Variants in LCT observed in about 807,000 individuals in gnomAD.
LCT encodes the protein lactase/phlorizin hydrolase.
Under a neutral mutation model 173.0 loss-of-function variants are expected in LCT, and 90 were observed. The ratio of observed to expected loss-of-function variants is 0.52; its 90% confidence interval spans 0.44 to 0.62. LCT has a LOEUF of 0.62. Among genes scored for constraint, LCT ranks in the 20% least tolerant of loss-of-function variants. The pLI, the probability that LCT is intolerant of heterozygous loss-of-function variation, is 0.00. For synonymous variants in LCT, 853 were observed against 957.6 expected (o/e 0.89, Z 2.02); for missense variants, 1,864 against 2,431.4 (o/e 0.77, Z 4.91).
At chr2:135,800,187 C>T (rs1247107262) in intron 12 of LCT, among the ~76,000 whole-genome samples, 1 of 152,122 alleles carries the variant, frequency 6.6e-6, no homozygotes, top group Non-Finnish European at 1.5e-5. Flanking sequence ...ATGATTTTCC[C>T]AAGCTCACAA....
Position 135,812,463 on chromosome 2 carries a change from C to T in LCT, c.2201G>A (p.Arg734Lys), listed in dbSNP as rs749869773. 2.5e-6 allele frequency: 4 copies of T among 1,614,150 alleles called. No homozygotes were observed. The highest frequency in any genetic ancestry group is 3.4e-6 in the Non-Finnish European group (4 of 1,180,056). ...TTCCAGGGATACAAACTGCAACAGC[C>T]TCCTTATCCCCCAGGGCACCACACG... is the stretch of plus-strand genomic sequence containing the variant. Reference protein sequence around the residue: ...WIRVVPWGIRRLLQFVSLEYT... With the variant: ...WIRVVPWGIRKLLQFVSLEYT... The change falls in exon 7 of 17, where the codon AGG (arginine) becomes AAG (lysine). Residue 734 changes from arginine to lysine, a missense_variant. Arg to Lys is a conservative substitution (Grantham distance 26). Around this residue, in one of 4 missense-constraint regions of LCT, gnomAD observed 755 missense variants for 926.3 expected, o/e 0.82. Transcript: ENST00000264162.
At chr2:135,820,082 G>T (rs528950213) in intron 5 of LCT, 1 of 152,190 alleles carries the variant, frequency 6.6e-6, no homozygotes. Flanking sequence ...TTGTTCAGGG[G>T]CCGCTCTGTC....
intron 4 of LCT, among the ~76,000 whole-genome samples, chr2:135,823,429 C>T (rs911024478): frequency 2.6e-5 from 4 of 152,118 alleles, no homozygotes; most frequent in African/African-American, 9.7e-5. Flanking sequence ...AGCTGTGAGT[C>T]CTACACTTGA....
chr2:135,813,227 A>G (rs1274804133), intron 6 of LCT, among the ~76,000 whole-genome samples: 1 of 149,256 alleles, frequency 6.7e-6, no homozygotes, highest in African/African-American at 2.4e-5. Context: ...GACTGATACT[A>G]ACAATGTCAA....
At chr2:135,794,575 G>T in intron 14 of LCT, 66 bp downstream of exon 14, 1 of 1,564,070 alleles carries the variant, frequency 6.4e-7, no homozygotes, top group Non-Finnish European at 8.8e-7. Context: ...GCCTCAGAGA[G>T]CACAGCCAAG....
chr2:135,794,887 G>T, intron 13 of LCT, 112 bp from the exon 14 acceptor site: 3 of 1,211,496 alleles, frequency 2.5e-6, no homozygotes, highest in South Asian at 1.2e-5. Flanking sequence ...ACTTGGCAGT[G>T]AGTAGGGGAA....
intron 16 of LCT, among the ~76,000 whole-genome samples, chr2:135,788,753 A>G (rs991903729): frequency 6.6e-6 from 1 of 152,238 alleles, no homozygotes; most frequent in Non-Finnish European, 1.5e-5. Flanking sequence ...TCTATCAGCA[A>G]TTAGAATACG....
At chr2:135,798,963 T>TCACA (rs1009514904) in intron 12 of LCT, among the ~76,000 whole-genome samples, 106 of 152,208 alleles carry the variant, frequency 7.0e-4, no homozygotes, top group African/African-American at 2.1e-3. Flanking sequence ...GGCTGCAGTA[T>TCACA]CACAGTTCAC....
intron 6 of LCT, among the ~76,000 whole-genome samples, chr2:135,816,424 C>T (rs2105541571): frequency 6.6e-6 from 1 of 152,172 alleles, no homozygotes; most frequent in South Asian, 2.1e-4. Context: ...CAGAAAAGAG[C>T]CGAGCTTTTT....
In LCT at chr2:135,808,724, G is replaced by A. The variant is rs777609672; in HGVS notation, c.3623C>T (p.Thr1208Met). ...GTGCTGCACGATTCTGGAGTAGTAC[G>A]TGTTGAGGCAGAAGACGTCGGCCGT... ...RATADVFCLN[T>M]YYSRIVQHKT... The change falls in exon 8 of 17, where the codon ACG (threonine) becomes ATG (methionine). Residue 1208 changes from threonine (T) to methionine (M), a missense_variant. Coordinates refer to ENST00000264162, the MANE Select transcript of LCT (RefSeq NM_002299.4). The A allele has an allele frequency of 4.3e-6, 7 of 1,614,216 alleles. No individual in the cohort carries two copies. Among genetic ancestry groups the A allele is most frequent in the Admixed American group, 1.7e-5 (1 of 60,034 alleles).
intron 3 of LCT, among the ~76,000 whole-genome samples, chr2:135,824,263 G>A (rs2077864179): frequency 6.6e-6 from 1 of 152,178 alleles, no homozygotes; most frequent in African/African-American, 2.4e-5. Context: ...ACCTCTTAGA[G>A]CCAGGCACGG....
chr2:135,814,426 G>A (rs569404845), intron 6 of LCT, among the ~76,000 whole-genome samples: 1 of 152,156 alleles, frequency 6.6e-6, no homozygotes, highest in South Asian at 2.1e-4. Flanking sequence ...ATGATATCAA[G>A]TAAACAGTGA....
Position 135,809,041 on chromosome 2 carries a change from G to A in LCT, c.3306C>T (p.Ala1102=). The A allele has an allele frequency of 6.2e-7, 1 of 1,612,798 alleles. No homozygotes were observed. The highest frequency in any genetic ancestry group is 8.5e-7 in the Non-Finnish European group (1 of 1,179,342). ...RIAHAVIKAH[A]RVYHTYDEKY... ...TCTCATCGTACGTGTGATAGACTCT[G>A]GCATGGGCTTTGATGACGGCGTGGG... Residue 1102 remains alanine (A), a synonymous_variant, in exon 8 of 17, where the codon GCC becomes GCT. Transcript: ENST00000264162. This position sits in a 1 kb window ranked among gnomAD's most constrained non-coding sequence, Gnocchi z 5.5.
chr2:135,795,039 G>GCA (rs1235576986), intron 13 of LCT, among the ~76,000 whole-genome samples: 4 of 150,748 alleles, frequency 2.7e-5, no homozygotes, highest in African/African-American at 4.9e-5. Context: ...ACCCACGCGC[G>GCA]CGCGCGCACA....
chr2:135,808,878 G>T lies in LCT; in HGVS notation c.3469C>A (p.Pro1157Thr). 6.2e-7 allele frequency: 1 copy of T among 1,614,204 alleles called. No homozygotes were observed. Among genetic ancestry groups the T allele is most frequent in the Non-Finnish European group, 8.5e-7 (1 of 1,180,046 alleles). ...GGATAGTCTCCGTTTCTAAAAATGG[G>T]GTGAGCAAACCAGCCCAGGGAGAAC... ...LQFSLGWFAH[P>T]IFRNGDYPDT... The change falls in exon 8 of 17, where the codon CCC becomes ACC. Residue 1157 changes from proline to threonine, a missense_variant. This residue lies in a region of LCT where 755 missense variants were observed against 926.3 expected (regional missense o/e 0.82). Coordinates refer to ENST00000264162, the MANE Select transcript of LCT (RefSeq NM_002299.4).
In LCT at chr2:135,794,736, G is replaced by A. The variant is rs549401439; in HGVS notation, c.5016C>T (p.Asn1672=). The change falls in exon 14 of 17, where the codon AAC becomes AAT. Residue 1672 remains asparagine, a synonymous_variant. Coordinates refer to ENST00000264162, the MANE Select transcript of LCT (RefSeq NM_002299.4). ...TGAACCCAAAAAAGTCATAGGTGCC[G>A]TTGATCCTCCTCTTCTCACTCTCTG... ...EFTESEKRRI[N]GTYDFFGFNH... is the part of the protein sequence containing the mutation. 6.9e-5 allele frequency: 111 copies of A among 1,614,154 alleles called. 1 individual carries two copies. In the South Asian group the frequency reaches 1.1e-3, roughly 17 times the overall value.
chr2:135,793,193 A>T (rs768540949), intron 14 of LCT, among the ~76,000 whole-genome samples: 39 of 152,324 alleles, frequency 2.6e-4, no homozygotes, highest in Admixed American at 7.8e-4. Context: ...AGAAAACTAC[A>T]ACCAAGGACC....
chr2:135,837,077 G>A lies in LCT; in HGVS notation c.93C>T (p.Thr31=), dbSNP rs777212413. 6.2e-6 allele frequency: 10 copies of A among 1,614,006 alleles called. No individual in the cohort carries two copies. The highest frequency in any genetic ancestry group is 8.5e-6 in the Non-Finnish European group (10 of 1,179,956). ...GCAAGTCATTGGTTAGAGGACCAGCGGTGGAAATGAAATTTCTATCAGACT... is the reference window on the plus strand; with the variant it reads ...GCAAGTCATTGGTTAGAGGACCAGCAGTGGAAATGAAATTTCTATCAGACT... The part of the protein sequence containing the change: ...DWESDRNFIS[T]AGPLTNDLLH... Residue 31 remains threonine (T), a synonymous_variant, in exon 1 of 17, where the codon ACC becomes ACT. Transcript: ENST00000264162.
intron 6 of LCT, 131 bp downstream of exon 6, chr2:135,817,210 C>T (rs2077787098): frequency 9.1e-7 from 1 of 1,094,706 alleles, no homozygotes; most frequent in African/African-American, 1.6e-5. Flanking sequence ...TGGTTCCTTC[C>T]CTCCCCGATT....
Sources: allele counts gnomAD v4.1 joint callset (sites outside exome capture counted in the v4.1 genomes callset), GRCh38; gene constraint gnomAD v4.1.1; regional missense constraint gnomAD v4.1.1; non-coding constraint Gnocchi (gnomAD v3.1); transcripts MANE v1.5; gene names NCBI Gene and HGNC (gene_info 2026-07-23, HGNC 2026-07-21).